The following CHD9 variants were observed in gnomAD, a reference collection of about 807,000 sequenced individuals.
CHD9 encodes the protein chromodomain helicase DNA binding protein 9.
In CHD9, 77 loss-of-function variants were observed where a neutral mutation model predicts 316.1. The ratio of observed to expected loss-of-function variants is 0.24; its 90% CI spans 0.20 to 0.29. CHD9 has a LOEUF of 0.29. CHD9 is among the 10% of genes least tolerant of loss of function. CHD9 has a pLI of 1.00. For missense variants in CHD9, 2,763 were observed against 3,438.1 expected (o/e 0.80, Z 4.91); for synonymous variants, 1,129 against 1,158.3 (o/e 0.97, Z 0.51).
Position 53,263,049 on chromosome 16 carries a change from A to G in CHD9, c.4272A>G (p.Gln1424=). The change falls in exon 20 of 39, where the codon CAA becomes CAG. Residue 1424 remains glutamine (Q), a synonymous_variant. Transcript: ENST00000447540. ...CTTTAGATGATCCCAACTTCTGGCA[A>G]AAATGGGCTAAAAAGGCAGAAATAG... is the stretch of plus-strand genomic sequence containing the variant. ...DISLDDPNFW[Q]KWAKKAEIDI... The G allele has an allele frequency of 6.2e-7, 1 of 1,613,050 alleles. No homozygotes were observed. The highest frequency in any genetic ancestry group is 1.3e-5 in the African/African-American group (1 of 75,006).
intron 2 of CHD9, among the ~76,000 whole-genome samples, chr16:53,203,208 A>C (rs776492030): frequency 2.6e-5 from 4 of 152,216 alleles, no homozygotes; most frequent in Non-Finnish European, 5.9e-5. Context: ...AAACCAGTAC[A>C]CCAGCTTACA....
intron 22 of CHD9, among the ~76,000 whole-genome samples, chr16:53,272,254 G>A (rs1053646803): frequency 6.6e-6 from 1 of 151,498 alleles, no homozygotes; most frequent in African/African-American, 2.4e-5. Context: ...AAAAAAAAAG[G>A]GACACTACCT....
intron 30 of CHD9, among the ~76,000 whole-genome samples, chr16:53,302,355 A>T (rs1005964735): frequency 4.6e-5 from 7 of 152,110 alleles, no homozygotes; most frequent in African/African-American, 1.7e-4. Context: ...AGCTTGTCTT[A>T]TGTTGTTACA....
chr16:53,085,403 C>A (rs2035383856), intron 1 of CHD9, among the ~76,000 whole-genome samples: 1 of 152,096 alleles, frequency 6.6e-6, no homozygotes, highest in Non-Finnish European at 1.5e-5. Flanking sequence ...CCTGCTGTGC[C>A]TAAAGGCACT....
At chr16:53,127,032 A>G (rs1214464641) in intron 1 of CHD9, among the ~76,000 whole-genome samples, 2 of 151,424 alleles carry the variant, frequency 1.3e-5, no homozygotes, top group Non-Finnish European at 2.9e-5. Flanking sequence ...ACAGCCCACT[A>G]CAGCCTCAAC....
chr16:53,198,386 G>A (rs1567462479), intron 2 of CHD9, among the ~76,000 whole-genome samples: 6 of 148,916 alleles, frequency 4.0e-5, no homozygotes, highest in Admixed American at 4.0e-4. Context: ...TGGCGTAGTG[G>A]TGCGATCTTG....
intron 2 of CHD9, among the ~76,000 whole-genome samples, chr16:53,175,292 A>C (rs1470053889): frequency 6.6e-6 from 1 of 152,152 alleles, no homozygotes; most frequent in Non-Finnish European, 1.5e-5. Context: ...CTTGGCTTCA[A>C]GTTCTATCTC....
At chr16:53,125,509 T>C (rs187841577) in intron 1 of CHD9, among the ~76,000 whole-genome samples, 33 of 152,338 alleles carry the variant, frequency 2.2e-4, no homozygotes, top group Middle Eastern at 3.4e-3. Context: ...GTGCCAGGAT[T>C]ACAGGCATGA....
At chr16:53,227,968 C>A (rs983028778) in intron 7 of CHD9, among the ~76,000 whole-genome samples, 2 of 151,986 alleles carry the variant, frequency 1.3e-5, no homozygotes, top group African/African-American at 4.8e-5. Flanking sequence ...CACCTGTAGT[C>A]CCAGCTACTC....
intron 2 of CHD9, among the ~76,000 whole-genome samples, chr16:53,205,366 A>G (rs2045817324): frequency 6.6e-6 from 1 of 152,202 alleles, no homozygotes; most frequent in Admixed American, 6.5e-5. Flanking sequence ...ACATAACCAC[A>G]GTATAACAAG....
intron 30 of CHD9, among the ~76,000 whole-genome samples, chr16:53,297,444 C>A (rs1356660298): frequency 1.3e-5 from 2 of 152,112 alleles, no homozygotes; most frequent in Non-Finnish European, 2.9e-5. Context: ...TAAAGGATTG[C>A]TTTTGTTAAA....
rs748675330 is a variant in CHD9 at position 53,157,138 on chromosome 16, G to A, written c.1049G>A (p.Ser350Asn). Residue 350 changes from serine (S) to asparagine (N), a missense_variant, in exon 2 of 39, where the codon AGC becomes AAC. By Grantham distance (46) the Ser-to-Asn change is conservative. Coordinates refer to ENST00000447540, the MANE Select transcript of CHD9 (RefSeq NM_001308319.2). Reference sequence around the variant, plus strand: ...TCATCACATCCTCAGGGTAATTATAGCAATTCAAAATTATCTCCTGTGCAC... The same window carrying A: ...TCATCACATCCTCAGGGTAATTATAACAATTCAAAATTATCTCCTGTGCAC... Reference protein sequence around the residue: ...LHSSHPQGNYSNSKLSPVHMN... With the variant: ...LHSSHPQGNYNNSKLSPVHMN... 3.7e-6 allele frequency: 6 copies of A among 1,609,726 alleles called. No homozygotes were observed. The South Asian group carries it at 5.5e-5, about 15-fold the overall frequency.
intron 24 of CHD9, among the ~76,000 whole-genome samples, chr16:53,277,015 A>G (rs1273286640): frequency 1.3e-5 from 2 of 152,194 alleles, no homozygotes; most frequent in Non-Finnish European, 2.9e-5. Context: ...GAGGAGATGC[A>G]TGAATTTCTG....
intron 19 of CHD9, among the ~76,000 whole-genome samples, chr16:53,259,674 A>G (rs1415356011): frequency 6.6e-6 from 1 of 152,002 alleles, no homozygotes. Context: ...CGCCATGCCC[A>G]GTTAATTTTT....
chr16:53,091,976 G>C (rs377657112), intron 1 of CHD9, among the ~76,000 whole-genome samples: 5 of 152,114 alleles, frequency 3.3e-5, no homozygotes, highest in Non-Finnish European at 7.3e-5. Context: ...CGAGAGCAGC[G>C]ATTCCTCTTT....
At chr16:53,067,647 G>A (rs2033642518) in intron 1 of CHD9, among the ~76,000 whole-genome samples, 1 of 152,136 alleles carries the variant, frequency 6.6e-6, no homozygotes. Context: ...CATGATTAGG[G>A]TTGTGGGTTT....
At chr16:53,226,826 TAATA>T (rs2047694316) in intron 5 of CHD9, among the ~76,000 whole-genome samples, 1 of 152,230 alleles carries the variant, frequency 6.6e-6, no homozygotes, top group African/African-American at 2.4e-5. Flanking sequence ...AAAACTCCTC[TAATA>T]GTTTCCTAAA....
At chr16:53,110,443 T>A (rs1046263816) in intron 1 of CHD9, among the ~76,000 whole-genome samples, 2 of 152,064 alleles carry the variant, frequency 1.3e-5, no homozygotes. Context: ...TTAAAAACTT[T>A]AAAAAATATA....
chr16:53,111,146 C>G (rs925815883), intron 1 of CHD9, among the ~76,000 whole-genome samples: 5 of 152,150 alleles, frequency 3.3e-5, no homozygotes, highest in Non-Finnish European at 7.3e-5. Flanking sequence ...ACTCACTGTG[C>G]AACCTCAGAT....
Sources: gnomAD v4.1 joint callset for allele counts (sites outside exome capture counted in the v4.1 genomes callset) on GRCh38, gnomAD v4.1.1 for gene constraint, MANE v1.5 for transcripts, NCBI Gene and HGNC (gene_info 2026-07-23, HGNC 2026-07-21) for gene names.